PPM1G: variants seen among roughly 807,000 people sequenced by gnomAD.
PPM1G encodes protein phosphatase 1G.
Under a neutral mutation model 59.4 loss-of-function variants are expected in PPM1G, and 12 were observed. That is an observed-to-expected ratio of 0.20 (90% CI 0.13 to 0.33). The LOEUF (loss-of-function observed/expected upper bound fraction) is 0.33. Ranked by LOEUF, PPM1G falls within the 10% of genes least tolerant of loss-of-function variation. The pLI is 1.00. For missense variants in PPM1G, 392 were observed against 681.3 expected, an observed-to-expected ratio of 0.58 and a Z score of 4.73; for synonymous variants, 245 against 251.9, an observed-to-expected ratio of 0.97 and a Z score of 0.26.
At chr2:27,386,891 C>CT (rs1683777361) in intron 2 of PPM1G, 198 bp downstream of exon 2, 1 of 457,524 alleles carries the variant, frequency 2.2e-6, no homozygotes, top group Non-Finnish European at 3.9e-6. Flanking sequence ...TGGATTAAAA[C>CT]AAGTCCTGGT....
chr2:27,384,688 T>G lies in PPM1G; in HGVS notation c.810A>C (p.Glu270Asp). 2 of 1,607,720 alleles carry G rather than the reference T, an allele frequency of 1.2e-6. No homozygotes were observed. The highest frequency in any genetic ancestry group is 1.7e-6 in the Non-Finnish European group (2 of 1,174,710). The change falls in exon 5 of 10, where the codon GAA (glutamate) becomes GAC (aspartate). Residue 270 changes from glutamate to aspartate, a missense_variant. Physicochemically the swap from Glu to Asp is conservative, Grantham distance 45. Transcript: ENST00000344034. This position sits in a 1 kb window ranked among gnomAD's most constrained non-coding sequence, Gnocchi z 4.8. ...AGGCCCTTACCTCACTGTCTTCCTC[T>G]TCTTCCTCCGCCTCATCTGACTCAT... is the stretch of plus-strand genomic sequence containing the variant. ...SEDESDEAEE[E>D]EEDSEECSEE...
chr2:27,386,387 A>G, intron 2 of PPM1G, 108 bp from the exon 3 acceptor site: 1 of 788,754 alleles, frequency 1.3e-6, no homozygotes, highest in Non-Finnish European at 2.2e-6. Context: ...TGAGGGGATA[A>G]ATATCTTAGC....
chr2:27,389,755 G>A (rs187714219), intron 1 of PPM1G, among the ~76,000 whole-genome samples: 14 of 152,264 alleles, frequency 9.2e-5, no homozygotes, highest in Non-Finnish European at 5.9e-5. Context: ...ATTGAGATCA[G>A]GAGTTGGAGA....
intron 1 of PPM1G, among the ~76,000 whole-genome samples, chr2:27,400,623 CT>C (rs1339581788): frequency 6.6e-6 from 1 of 152,080 alleles, no homozygotes; most frequent in Non-Finnish European, 1.5e-5. Flanking sequence ...ATAATTAAAA[CT>C]GACCTCCTGG....
At chr2:27,404,678 C>T (rs1375308819) in intron 1 of PPM1G, among the ~76,000 whole-genome samples, 1 of 152,040 alleles carries the variant, frequency 6.6e-6, no homozygotes, top group Non-Finnish European at 1.5e-5. Flanking sequence ...GGCATGGTGG[C>T]TCACGCCTGT....
rs371386275 is a variant in PPM1G at position 27,391,891 on chromosome 2, C to A, written c.121-4733G>T. On this transcript the variant is annotated intron_variant, in intron 1 of 9. Coordinates refer to ENST00000344034, the MANE Select transcript of PPM1G (RefSeq NM_177983.3). ...GGATAACAGGCACGCGCCGCCACGC[C>A]CAGCTAATTTTTGTATTTTTAGTAG... 3.7e-4 allele frequency among the ~76,000 whole-genome samples: 56 copies of A among 152,012 alleles called. 1 individual carries two copies. The East Asian group carries it at 5.8e-3, about 16-fold the overall frequency.
intron 1 of PPM1G, among the ~76,000 whole-genome samples, chr2:27,391,365 A>C (rs925862265): frequency 5.3e-5 from 8 of 152,136 alleles, no homozygotes; most frequent in Non-Finnish European, 1.0e-4. Flanking sequence ...TGACATTTTA[A>C]CAAAAGCTGT....
intron 1 of PPM1G, among the ~76,000 whole-genome samples, chr2:27,407,180 G>A (rs913230500): frequency 5.9e-5 from 9 of 151,996 alleles, no homozygotes; most frequent in African/African-American, 2.2e-4. Flanking sequence ...TGTCCAGGCT[G>A]GTCTCGAACT....
At chr2:27,393,270 G>A in intron 1 of PPM1G, 1 of 1,593,868 alleles carries the variant, frequency 6.3e-7, no homozygotes, top group Non-Finnish European at 8.5e-7. Flanking sequence ...CAGGTAAATG[G>A]AGGAGGCGTA....
intron 1 of PPM1G, among the ~76,000 whole-genome samples, chr2:27,396,838 G>T (rs1467491525): frequency 9.4e-6 from 1 of 106,626 alleles, no homozygotes; most frequent in African/African-American, 4.8e-5. Context: ...AAAAAGAAAA[G>T]AAATGACTAA....
intron 1 of PPM1G, among the ~76,000 whole-genome samples, chr2:27,389,728 G>A (rs2148420774): frequency 6.6e-6 from 1 of 152,278 alleles, no homozygotes; most frequent in African/African-American, 2.4e-5. Context: ...GCTCTGGGAA[G>A]GTAGGCAGGA....
chr2:27,382,677 T>C lies in PPM1G; in HGVS notation c.1202-72A>G. ...ACTTGTGTTTGTGGCAGGTCAAACCTTGCCATTCATTTCCCTTCTTTACAA... is the reference window on the plus strand; with the variant it reads ...ACTTGTGTTTGTGGCAGGTCAAACCCTGCCATTCATTTCCCTTCTTTACAA... On this transcript the variant is annotated intron_variant, in intron 7 of 9. Coordinates refer to ENST00000344034, the MANE Select transcript of PPM1G (RefSeq NM_177983.3). This position sits in a 1 kb window ranked among gnomAD's most constrained non-coding sequence, Gnocchi z 4.2. The C allele has an allele frequency of 3.9e-6, 6 of 1,554,676 alleles. No homozygotes were observed. The highest frequency in any genetic ancestry group is 1.1e-5 in the South Asian group (1 of 87,708).
rs752345939 is a variant in PPM1G, at chr2:27,381,556, G to A, written c.*43C>T. 1 of 1,608,650 alleles carries A rather than the reference G, an allele frequency of 6.2e-7. No individual in the cohort carries two copies. Among genetic ancestry groups the A allele is most frequent in the South Asian group, 1.1e-5 (1 of 90,958 alleles). On this transcript the variant is annotated 3_prime_UTR_variant, in exon 10 of 10. Coordinates refer to ENST00000344034, the MANE Select transcript of PPM1G (RefSeq NM_177983.3). ...GACAAAACTCAGTCTCAGGTCCGGA[G>A]GGCTCAGAAAACAGTCTAGGTGGGC...
intron 2 of PPM1G, 52 bp downstream of exon 2, chr2:27,387,037 A>ACGTCTGGAATTGGGGTCCTAGAC: frequency 1.4e-6 from 2 of 1,414,436 alleles, no homozygotes; most frequent in Non-Finnish European, 1.0e-6. Context: ...TTGCCCTGGA[A>ACGTCTGGAATTGGGGTCCTAGAC]CGTCTGGAAT....
rs184766713 is a variant in PPM1G, at chr2:27,385,258, A to C, written c.410-170T>G. 7.2e-4 allele frequency: 486 copies of C among 674,320 alleles called. 3 individuals are homozygous for C. The African/African-American group carries it at 8.0e-3, about 11-fold the overall frequency. 41.8% of individuals were successfully genotyped at this position (674,320 alleles called of 1,614,324 possible). A position where few individuals can be genotyped will look rare whatever the true frequency, so the allele number is the denominator to read the frequency against. ...CATGCCCTAGCTCCTCCTCCTCCAC[A>C]GACTTCTTTTGGTTTTTGTGTTTCA... On this transcript the variant is annotated intron_variant, in intron 4 of 9. Transcript: ENST00000344034. This position sits in a 1 kb window ranked among gnomAD's most constrained non-coding sequence, Gnocchi z 4.1.
Position 27,385,680 on chromosome 2 carries a change from A to G in PPM1G, c.409+67T>C, listed in dbSNP as rs549108668. 31 of 1,558,554 alleles carry G rather than the reference A, an allele frequency of 2.0e-5. No homozygotes were observed. The highest frequency in any genetic ancestry group is 8.2e-5 in the African/African-American group (6 of 72,882). On this transcript the variant is annotated intron_variant, in intron 4 of 9. Coordinates refer to ENST00000344034, the MANE Select transcript of PPM1G (RefSeq NM_177983.3). The surrounding 1 kb of genome is among the most constrained non-coding windows in gnomAD (Gnocchi z 4.1). ...AGAAAGCCATCCTATCTTAGAATTG[A>G]TAAGTAATATTAAAGAATATTTCTT...
At chr2:27,396,782 C>G (rs1035349837) in intron 1 of PPM1G, among the ~76,000 whole-genome samples, 5 of 135,340 alleles carry the variant, frequency 3.7e-5, no homozygotes, top group African/African-American at 1.5e-4. Flanking sequence ...AATCATTGCA[C>G]TCCAGCATAG....
chr2:27,397,888 A>G (rs963379017), intron 1 of PPM1G, among the ~76,000 whole-genome samples: 2 of 152,012 alleles, frequency 1.3e-5, no homozygotes, highest in Non-Finnish European at 2.9e-5. Flanking sequence ...TATAAAATAG[A>G]CTCAACAACC....
rs1553313910 is a variant in PPM1G at position 27,396,819 on chromosome 2, C to CCAAAAAA, written c.121-9662_121-9661insTTTTTTG. On this transcript the variant is annotated intron_variant, in intron 1 of 9. Transcript: ENST00000344034. Reference sequence around the variant, plus strand: ...TGACAGAGCAAGACTCCGTCTCCAACAAAAAAAAAAAAAGAAAAGAAATGA... The same window carrying CCAAAAAA: ...TGACAGAGCAAGACTCCGTCTCCAACCAAAAAAAAAAAAAAAAAAAGAAAAGAAATGA... Among the ~76,000 whole-genome samples the CCAAAAAA allele has an allele frequency of 8.0e-3, 1,004 of 125,346 alleles. 6 individuals carry two copies. The highest frequency in any genetic ancestry group is 0.012 in the Middle Eastern group (3 of 254). The allele number at this position is 125,346 out of a possible 152,430, so 82.2% of individuals were successfully genotyped here.
Sources: allele counts gnomAD v4.1 joint callset (sites outside exome capture counted in the v4.1 genomes callset), GRCh38; gene constraint gnomAD v4.1.1; non-coding constraint Gnocchi (gnomAD v3.1); transcripts MANE v1.5; gene names NCBI Gene and HGNC (gene_info 2026-07-23, HGNC 2026-07-21).